ATP10B: variants seen among roughly 807,000 people sequenced by gnomAD.
The protein encoded by ATP10B is ATPase phospholipid transporting 10B (putative).
In ATP10B, 122 loss-of-function variants were observed where a neutral mutation model predicts 141.2. That is an observed-to-expected ratio of 0.86 (90% CI 0.75 to 1.00). The LOEUF is 1.00. ATP10B is among the 50% of genes least tolerant of loss of function. The pLI, the probability that ATP10B is intolerant of heterozygous loss-of-function variation, is 0.00. For synonymous variants in ATP10B, 685 were observed against 692.0 expected (o/e 0.99, Z 0.16); for missense variants, 1,876 against 1,825.3 (o/e 1.03, Z -0.51).
At chr5:160,915,905 C>G in the ATP10B span, among the ~76,000 whole-genome samples, 27 of 152,298 alleles carry the variant, frequency 1.8e-4, no homozygotes, top group Admixed American at 1.6e-3. Flanking sequence ...GAGCTTTCAA[C>G]TGTGTTTTAT....
chr5:160,877,342 T>C, the ATP10B span, among the ~76,000 whole-genome samples: 3 of 133,720 alleles, frequency 2.2e-5, no homozygotes, highest in South Asian at 2.7e-4. Context: ...CAACCCTTCA[T>C]GCTAAAAACT....
At chr5:160,812,026 G>GAGAC (rs1561879925) in intron 1 of ATP10B, among the ~76,000 whole-genome samples, 1,155 of 26,432 alleles carry the variant, frequency 0.044, 3 homozygotes, top group Middle Eastern at 0.1. Context: ...GAGACAGAGA[G>GAGAC]AGAGAGAGAG....
chr5:160,859,735 G>A, the ATP10B span, among the ~76,000 whole-genome samples: 3 of 151,872 alleles, frequency 2.0e-5, no homozygotes, highest in African/African-American at 7.2e-5. Flanking sequence ...CAACACTGGT[G>A]ACTGGTGACT....
chr5:160,874,259 C>A, the ATP10B span, among the ~76,000 whole-genome samples: 2 of 62,898 alleles, frequency 3.2e-5, no homozygotes, highest in Non-Finnish European at 9.2e-5. Context: ...TGGGAGGCAC[C>A]CCCCAGGAGG....
At chr5:160,768,000 G>A (rs1769601403) in intron 2 of ATP10B, among the ~76,000 whole-genome samples, 1 of 151,894 alleles carries the variant, frequency 6.6e-6, no homozygotes. Context: ...AGTCTTTCAG[G>A]TTTTCTTCAA....
the ATP10B span, among the ~76,000 whole-genome samples, chr5:160,873,712 C>T: frequency 2.6e-5 from 4 of 152,216 alleles, no homozygotes; most frequent in Non-Finnish European, 5.9e-5. Flanking sequence ...CGAGGCACTG[C>T]CTCACTTGGG....
intron 7 of ATP10B, among the ~76,000 whole-genome samples, chr5:160,662,576 G>A (rs2127714868): frequency 6.6e-6 from 1 of 152,306 alleles, no homozygotes; most frequent in Non-Finnish European, 1.5e-5. Flanking sequence ...ATGGTGCTGG[G>A]AAAACTGGCT....
At chr5:160,695,484 G>A (rs1216040847) in intron 3 of ATP10B, among the ~76,000 whole-genome samples, 1 of 62,326 alleles carries the variant, frequency 1.6e-5, no homozygotes, top group Admixed American at 2.1e-4. Context: ...ATATATGCGT[G>A]AGTGAGTGTG....
intron 1 of ATP10B, among the ~76,000 whole-genome samples, chr5:160,833,360 T>C (rs1775221587): frequency 6.6e-6 from 1 of 152,128 alleles, no homozygotes; most frequent in Non-Finnish European, 1.5e-5. Flanking sequence ...TTGATGGTAG[T>C]GGTGAAGTGA....
At chr5:160,701,162 T>G (rs1764647622) in intron 3 of ATP10B, among the ~76,000 whole-genome samples, 1 of 152,170 alleles carries the variant, frequency 6.6e-6, no homozygotes, top group Admixed American at 6.5e-5. Flanking sequence ...TCAGAAATAC[T>G]TCGCCAAACT....
chr5:160,919,989 G>A, the ATP10B span, among the ~76,000 whole-genome samples: 3 of 152,168 alleles, frequency 2.0e-5, no homozygotes, highest in South Asian at 4.1e-4. Flanking sequence ...CAAGAAACAG[G>A]GGAGGTAGAA....
At position 160,639,511 on chromosome 5, in the gene ATP10B, G is replaced by T. The variant is rs1220479763; in HGVS notation, c.1000+950C>A. 2.6e-5 allele frequency among the ~76,000 whole-genome samples: 4 copies of T among 152,280 alleles called. No homozygotes were observed. The East Asian group carries it at 7.7e-4, about 29-fold the overall frequency. On this transcript the variant is annotated intron_variant, in intron 10 of 25. Coordinates refer to ENST00000327245, the MANE Select transcript of ATP10B (RefSeq NM_025153.3). ...GAGGAAAATGTAGGCAGAGATTGGG[G>T]TGGTGCACTCTGAAGACTGAGGAAG...
At chr5:160,756,292 G>A (rs1768597810) in intron 2 of ATP10B, among the ~76,000 whole-genome samples, 1 of 152,030 alleles carries the variant, frequency 6.6e-6, no homozygotes, top group Non-Finnish European at 1.5e-5. Flanking sequence ...TTGATATTGG[G>A]TTTTGATAGT....
chr5:160,803,207 G>A (rs535199362), intron 1 of ATP10B, among the ~76,000 whole-genome samples: 29 of 152,274 alleles, frequency 1.9e-4, no homozygotes, highest in African/African-American at 6.7e-4. Context: ...GTCATCAACT[G>A]TTTAGGTTGT....
intron 1 of ATP10B, among the ~76,000 whole-genome samples, chr5:160,820,622 T>C (rs867409804): frequency 6.7e-6 from 1 of 148,872 alleles, no homozygotes; most frequent in African/African-American, 2.5e-5. Context: ...CTCTGATGAA[T>C]ATTGATGAAA....
chr5:160,575,309 T>C (rs1478376327), intron 24 of ATP10B, among the ~76,000 whole-genome samples: 1 of 152,208 alleles, frequency 6.6e-6, no homozygotes, highest in Non-Finnish European at 1.5e-5. Flanking sequence ...GGGTCAAATA[T>C]TACATTTAGT....
At chr5:160,907,473 C>G in the ATP10B span, among the ~76,000 whole-genome samples, 52 of 152,168 alleles carry the variant, frequency 3.4e-4, no homozygotes, top group African/African-American at 1.2e-3. Context: ...AAGCAATCCT[C>G]CCACCTCAGG....
intron 2 of ATP10B, among the ~76,000 whole-genome samples, chr5:160,725,605 C>A (rs934465117): frequency 6.6e-6 from 1 of 152,152 alleles, no homozygotes; most frequent in Admixed American, 6.5e-5. Context: ...GCCATCACAC[C>A]CGGCTGATTT....
chr5:160,894,202 T>C, the ATP10B span, among the ~76,000 whole-genome samples: 1 of 151,986 alleles, frequency 6.6e-6, no homozygotes, highest in South Asian at 2.1e-4. Context: ...ATGAGTTTGA[T>C]GAATGAGCCT....
Sources: allele counts gnomAD v4.1 joint callset (sites outside exome capture counted in the v4.1 genomes callset), GRCh38; gene constraint gnomAD v4.1.1; transcripts MANE v1.5; gene names NCBI Gene and HGNC (gene_info 2026-07-23, HGNC 2026-07-21).